CSPG4: variants seen among roughly 807,000 people sequenced by gnomAD.
CSPG4 encodes the protein chondroitin sulfate proteoglycan 4.
CSPG4 carries 74 observed loss-of-function variants against 139.3 expected under a neutral mutation model. That is an observed-to-expected ratio of 0.53 (90% CI 0.44 to 0.64). The LOEUF is 0.64. CSPG4 is among the 30% of genes least tolerant of loss of function. The pLI is 0.00. For missense variants in CSPG4, 2,565 were observed against 3,148.3 expected (o/e 0.81, Z 4.43); for synonymous variants, 1,234 against 1,394.2 (o/e 0.89, Z 2.56).
At chr15:75,700,305 C>A (rs1894284218) in intron 1 of CSPG4, among the ~76,000 whole-genome samples, 1 of 151,368 alleles carries the variant, frequency 6.6e-6, no homozygotes, top group South Asian at 2.1e-4. Flanking sequence ...AGAGCTGGAC[C>A]CCAGCCTGGG....
At chr15:75,705,047 CT>C (rs1467975823) in intron 1 of CSPG4, among the ~76,000 whole-genome samples, 1 of 152,218 alleles carries the variant, frequency 6.6e-6, no homozygotes, top group Non-Finnish European at 1.5e-5. Flanking sequence ...CACTCACCTG[CT>C]CTGGGGACAG....
At position 75,677,902 on chromosome 15, in the gene CSPG4, T is replaced by C. The variant is rs753608561; in HGVS notation, c.4951-16A>G. 6.3e-7 allele frequency: 1 copy of C among 1,585,502 alleles called. No individual in the cohort carries two copies. The highest frequency in any genetic ancestry group is 1.1e-5 in the South Asian group (1 of 88,306). ...CAGCGTAGACCTAGGGGAGACACCA[T>C]CGTGGGGTGAGAGGCAGGTCCAGCC... On this transcript the variant is annotated splice_polypyrimidine_tract_variant and intron_variant, in intron 8 of 9. Coordinates refer to ENST00000308508, the MANE Select transcript of CSPG4 (RefSeq NM_001897.5).
In CSPG4 at chr15:75,675,814, G is replaced by C. The variant is rs761463422; in HGVS notation, c.6705C>G (p.Leu2235=). 13 of 1,613,298 alleles carry C rather than the reference G, an allele frequency of 8.1e-6. No individual in the cohort carries two copies. Among genetic ancestry groups the C allele is most frequent in the Admixed American group, 1.7e-5 (1 of 60,028 alleles). Residue 2235 remains leucine (L), a synonymous_variant, in exon 10 of 10, where the codon CTC becomes CTG. Coordinates refer to ENST00000308508, the MANE Select transcript of CSPG4 (RefSeq NM_001897.5). ...AGAGCAGGGGCAGGATGAGCGCCAG[G>C]AGCAGAAGTACCAGGCACATGGGGA... The part of the protein sequence containing the change: ...VIIPMCLVLL[L]LALILPLLFY...
intron 8 of CSPG4, chr15:75,679,874 T>TG (rs1893949017): frequency 1.3e-5 from 2 of 152,152 alleles, no homozygotes; most frequent in Admixed American, 1.3e-4. Context: ...TTAGTAGAGA[T>TG]GGGGTTTCAC....
rs779599543 is a variant in CSPG4 at position 75,684,803 on chromosome 15, G to C, written c.4382C>G (p.Ala1461Gly). 2 of 1,613,690 alleles carry C rather than the reference G, an allele frequency of 1.2e-6. No individual in the cohort carries two copies. Among genetic ancestry groups the C allele is most frequent in the Non-Finnish European group, 1.7e-6 (2 of 1,179,900 alleles). Residue 1461 changes from alanine (A) to glycine (G), a missense_variant, in exon 5 of 10, where the codon GCC becomes GGC. Ala to Gly is a moderately conservative substitution (Grantham distance 60). This residue lies in a region of CSPG4 where 2,316 missense variants were observed against 2,818.2 expected (regional missense o/e 0.82). Transcript: ENST00000308508. ...SEMDRQSHPVAFTVTVLPVND... is the reference protein window; with the variant it reads ...SEMDRQSHPVGFTVTVLPVND... ...GACAGGCAGGACAGTGACAGTGAAGGCCACAGGATGGCTCTGGCGATCCAT... is the reference window on the plus strand; with the variant it reads ...GACAGGCAGGACAGTGACAGTGAAGCCCACAGGATGGCTCTGGCGATCCAT...
intron 1 of CSPG4, among the ~76,000 whole-genome samples, chr15:75,707,245 C>T (rs557326100): frequency 2.6e-5 from 4 of 152,310 alleles, no homozygotes; most frequent in African/African-American, 9.6e-5. Context: ...GCGTGAGCCA[C>T]CGCGCCTGGC....
At chr15:75,705,579 CAG>C (rs996205349) in intron 1 of CSPG4, among the ~76,000 whole-genome samples, 2 of 152,226 alleles carry the variant, frequency 1.3e-5, no homozygotes, top group Non-Finnish European at 2.9e-5. Context: ...CTCAGAAAGA[CAG>C]AGTCACTTGC....
chr15:75,681,434 G>A (rs1371966423), intron 8 of CSPG4, among the ~76,000 whole-genome samples: 3 of 152,192 alleles, frequency 2.0e-5, no homozygotes, highest in Non-Finnish European at 4.4e-5. Context: ...ACTTGGGGCA[G>A]TACCATATGC....
rs954311117 is a variant in CSPG4 at position 75,675,030 on chromosome 15, G to A, written c.*520C>T. On this transcript the variant is annotated 3_prime_UTR_variant, in exon 10 of 10. Transcript: ENST00000308508. ...CTCTCTCCTCTTGCCCTCTACTCCA[G>A]GGGATACCATCTCCCTAAAAAACCA... 12 of 390,214 alleles carry A rather than the reference G, an allele frequency of 3.1e-5. No individual in the cohort carries two copies. Among genetic ancestry groups the A allele is most frequent in the Non-Finnish European group, 4.1e-5 (9 of 221,362 alleles). 24.2% of individuals were successfully genotyped at this position (390,214 alleles called of 1,614,324 possible).
chr15:75,696,727 A>C lies in CSPG4; in HGVS notation c.89-3494T>G, dbSNP rs1894231347. 6.6e-6 allele frequency among the ~76,000 whole-genome samples: 1 copy of C among 152,126 alleles called. No homozygotes were observed. The highest frequency in any genetic ancestry group is 6.5e-5 in the Admixed American group (1 of 15,286). On this transcript the variant is annotated intron_variant, in intron 1 of 9. Coordinates refer to ENST00000308508, the MANE Select transcript of CSPG4 (RefSeq NM_001897.5). This position sits in a 1 kb window ranked among gnomAD's most constrained non-coding sequence, Gnocchi z 4.2. ...CTCAGGCTTCCCACCCTTCCTCCCC[A>C]TAAACAGGGCACTGCTGTCTGGGCC...
At position 75,688,412 on chromosome 15, in the gene CSPG4, G is replaced by A; in HGVS notation, c.2653C>T (p.Pro885Ser). ...FRVTAPPYFS[P>S]LYTFPIHIGG... ...ATGTGGATGGGGAAGGTATAGAGTG[G>A]GGAGAAATATGGTGGAGCTGTGACA... The change falls in exon 3 of 10, where the codon CCA becomes TCA. Residue 885 changes from proline to serine, a missense_variant. Transcript: ENST00000308508. 1 of 1,613,324 alleles carries A rather than the reference G, an allele frequency of 6.2e-7. No homozygotes were observed. Among genetic ancestry groups the A allele is most frequent in the East Asian group, 2.2e-5 (1 of 44,880 alleles).
chr15:75,695,163 C>T (rs1894209831), intron 1 of CSPG4, among the ~76,000 whole-genome samples: 1 of 152,128 alleles, frequency 6.6e-6, no homozygotes. Context: ...ATCCAGCACC[C>T]ACAGAGAAGG....
rs1027580838 is a variant in CSPG4 at position 75,675,809 on chromosome 15, G to C, written c.6710C>G (p.Ala2237Gly). Residue 2237 changes from alanine (A) to glycine (G), a missense_variant, in exon 10 of 10, where the codon GCG becomes GGG. Around this residue, in one of 5 missense-constraint regions of CSPG4, gnomAD observed 2,316 missense variants for 2,818.2 expected, o/e 0.82. Transcript: ENST00000308508. ...GTAGAAGAGCAGGGGCAGGATGAGC[G>C]CCAGGAGCAGAAGTACCAGGCACAT... ...IPMCLVLLLL[A>G]LILPLLFYLR... 6.2e-7 allele frequency: 1 copy of C among 1,613,290 alleles called. No homozygotes were observed. The highest frequency in any genetic ancestry group is 8.5e-7 in the Non-Finnish European group (1 of 1,179,994).
chr15:75,678,455 C>A, intron 8 of CSPG4: 1 of 356,938 alleles, frequency 2.8e-6, no homozygotes, highest in Non-Finnish European at 5.6e-6. Flanking sequence ...AGGGCTCAAG[C>A]GATCCTCCCA....
rs550449323 is a variant in CSPG4, at chr15:75,676,289, G to T, written c.6230C>A (p.Thr2077Lys). 6.3e-7 allele frequency: 1 copy of T among 1,596,448 alleles called. No homozygotes were observed. Among genetic ancestry groups the T allele is most frequent in the Non-Finnish European group, 8.5e-7 (1 of 1,174,594 alleles). The change falls in exon 10 of 10, where the codon ACA becomes AAA. Residue 2077 changes from threonine (T) to lysine (K), a missense_variant. This residue lies in a region of CSPG4 where 2,316 missense variants were observed against 2,818.2 expected (regional missense o/e 0.82). Transcript: ENST00000308508. ...GAGGCGGAAGCGCGGCACACTGCCT[G>T]TGCGGTTGGCCAGCTCGCCAGCATC... The part of the protein sequence containing the change: ...VLDAGELANR[T>K]GSVPRFRLLE...
chr15:75,692,238 C>T (rs1894173834), intron 2 of CSPG4, among the ~76,000 whole-genome samples: 1 of 152,212 alleles, frequency 6.6e-6, no homozygotes, highest in African/African-American at 2.4e-5. Flanking sequence ...CCCGCCTCAG[C>T]CTCCCAAAGT....
rs746401780 is a variant in CSPG4 at position 75,687,248 on chromosome 15, C to A, written c.3789+28G>T. On this transcript the variant is annotated intron_variant, in intron 3 of 9. Transcript: ENST00000308508. The surrounding 1 kb of genome is among the most constrained non-coding windows in gnomAD (Gnocchi z 5.4). The stretch of plus-strand genomic sequence containing the variant: ...GAGAAGGCCCTCTACCTGGCCCACA[C>A]CCCTGCTCACCACCTCCAACTCCTC... 2 of 1,607,826 alleles carry A rather than the reference C, an allele frequency of 1.2e-6. No homozygotes were observed. Among genetic ancestry groups the A allele is most frequent in the Admixed American group, 1.7e-5 (1 of 59,994 alleles).
chr15:75,707,876 G>A (rs949649130), intron 1 of CSPG4, among the ~76,000 whole-genome samples: 2 of 152,146 alleles, frequency 1.3e-5, no homozygotes, highest in African/African-American at 4.8e-5. Context: ...CAATGGGGGA[G>A]ACCCCTGAGC....
intron 2 of CSPG4, 102 bp from the exon 3 acceptor site, chr15:75,690,914 C>T (rs776594177): frequency 2.9e-5 from 38 of 1,306,410 alleles, no homozygotes; most frequent in African/African-American, 7.4e-5. Flanking sequence ...GTGGCTCATG[C>T]CTGTAATCCT....
Sources: gnomAD v4.1 joint callset for allele counts (sites outside exome capture counted in the v4.1 genomes callset) on GRCh38, gnomAD v4.1.1 for gene constraint, gnomAD v4.1.1 regional missense constraint, Gnocchi (gnomAD v3.1) non-coding constraint, MANE v1.5 for transcripts, NCBI Gene and HGNC (gene_info 2026-07-23, HGNC 2026-07-21) for gene names.